ABCA13: variants seen among roughly 807,000 people sequenced by gnomAD.
The protein encoded by ABCA13 is ATP-binding cassette sub-family A member 13.
Under a neutral mutation model 478.7 loss-of-function variants are expected in ABCA13, and 476 were observed. The ratio of observed to expected loss-of-function variants is 0.99; its 90% CI spans 0.92 to 1.07. The LOEUF (loss-of-function observed/expected upper bound fraction) is 1.07, where lower values mean the gene tolerates loss of function less well. Among genes scored for constraint, ABCA13 ranks in the 50% least tolerant of loss-of-function variants. ABCA13 has a pLI of 0.00. For missense variants in ABCA13, 6,060 were observed against 5,910.6 expected (o/e 1.03, Z -0.83); for synonymous variants, 2,252 against 2,158.9 (o/e 1.04, Z -1.20).
At chr7:48,467,612 T>C (rs1421291774) in intron 44 of ABCA13, among the ~76,000 whole-genome samples, 3 of 152,100 alleles carry the variant, frequency 2.0e-5, no homozygotes, top group African/African-American at 7.2e-5. Flanking sequence ...GCTCAATTGT[T>C]ATATATTGAA....
chr7:48,403,614 C>A, intron 38 of ABCA13, 69 bp from the exon 39 acceptor site: 2 of 1,471,780 alleles, frequency 1.4e-6, no homozygotes, highest in Non-Finnish European at 9.3e-7. Context: ...GTCATTATTT[C>A]TGGAGTGAAA....
chr7:48,567,441 A>T (rs999971879), intron 55 of ABCA13, among the ~76,000 whole-genome samples: 4 of 151,982 alleles, frequency 2.6e-5, no homozygotes, highest in African/African-American at 9.7e-5. Context: ...ATGGCTTTAC[A>T]TTGTTAGGGA....
chr7:48,196,168 G>A (rs36180748), intron 2 of ABCA13, among the ~76,000 whole-genome samples: 9,770 of 152,118 alleles, frequency 0.064, 447 homozygotes, highest in East Asian at 0.16. Context: ...CACTGTGGTA[G>A]TAGCTCAGTC....
chr7:48,373,661 C>T (rs1813005916), intron 33 of ABCA13, among the ~76,000 whole-genome samples: 1 of 152,116 alleles, frequency 6.6e-6, no homozygotes, highest in Non-Finnish European at 1.5e-5. Flanking sequence ...TGGTCCTTCC[C>T]CATATACTCC....
In ABCA13 at chr7:48,230,983, C is replaced by A. The variant is rs529008360; in HGVS notation, c.763+1028C>A. Among the ~76,000 whole-genome samples the A allele has an allele frequency of 3.6e-3, 543 of 152,094 alleles. 2 individuals carry two copies. The highest frequency in any genetic ancestry group is 5.7e-3 in the Non-Finnish European group (385 of 67,998). On this transcript the variant is annotated intron_variant, in intron 7 of 61. Transcript: ENST00000435803. Reference sequence around the variant, plus strand: ...GAATGCATGGACACAGGGAGGGGAACAACATACACCAGGTCCAGTCGTCGG... The same window carrying A: ...GAATGCATGGACACAGGGAGGGGAAAAACATACACCAGGTCCAGTCGTCGG...
chr7:48,326,814 A>G (rs1406769512), intron 27 of ABCA13, among the ~76,000 whole-genome samples: 1 of 152,196 alleles, frequency 6.6e-6, no homozygotes, highest in Non-Finnish European at 1.5e-5. Context: ...GTGGAGTCCC[A>G]GTGACAAGGG....
chr7:48,373,012 T>C (rs1253835259), intron 33 of ABCA13, among the ~76,000 whole-genome samples: 1 of 152,166 alleles, frequency 6.6e-6, no homozygotes, highest in Non-Finnish European at 1.5e-5. Context: ...TTCATTCTTT[T>C]ATGGCAATTG....
rs1795437982 is a variant in ABCA13, at chr7:48,646,429, A to G, written c.*917A>G. The G allele has an allele frequency of 6.6e-6, 1 of 152,220 alleles. No individual in the cohort carries two copies. The highest frequency in any genetic ancestry group is 2.4e-5 in the African/African-American group (1 of 41,458). 9.4% of individuals were successfully genotyped at this position (152,220 alleles called of 1,614,324 possible). On this transcript the variant is annotated 3_prime_UTR_variant, in exon 62 of 62. Coordinates refer to ENST00000435803, the MANE Select transcript of ABCA13 (RefSeq NM_152701.5). ...CAAATTCTGGGGCTTAAACAAGCAC[A>G]TTCCAAGTTAAGAACCAATGACCTA...
Position 48,221,299 on chromosome 7 carries a change from GT to G in ABCA13, c.465del (p.Phe155LeufsTer11). On this transcript the variant is annotated frameshift_variant, in exon 5 of 62. Coordinates refer to ENST00000435803, the MANE Select transcript of ABCA13 (RefSeq NM_152701.5). LOFTEE classifies it high-confidence loss of function. ...ATTATAGATTCTTCTTATGGTTCCA[GT>G]TTTTTTACAGTAAGTATCTTAACAA... is the stretch of plus-strand genomic sequence containing the variant. ...SNTPDSSYGS[S>X]FFTMDLNKTE... is the part of the protein sequence containing the mutation. 8 of 1,162,378 alleles carry G rather than the reference GT, an allele frequency of 6.9e-6. No homozygotes were observed. Among genetic ancestry groups the G allele is most frequent in the South Asian group, 1.4e-5 (1 of 70,806 alleles). The allele number at this position is 1,162,378 out of a possible 1,614,324, so 72.0% of individuals were successfully genotyped here.
At chr7:48,318,260 G>A (rs532195678) in intron 27 of ABCA13, among the ~76,000 whole-genome samples, 1 of 152,230 alleles carries the variant, frequency 6.6e-6, no homozygotes, top group South Asian at 2.1e-4. Flanking sequence ...TTCCCACTTT[G>A]CCACCTACCT....
intron 15 of ABCA13, among the ~76,000 whole-genome samples, chr7:48,253,726 C>T (rs192733996): frequency 3.7e-4 from 56 of 152,322 alleles, no homozygotes; most frequent in African/African-American, 1.3e-3. Flanking sequence ...TCAAGTGATC[C>T]ACCTGCCTCA....
At chr7:48,446,177 C>T (rs905662372) in intron 42 of ABCA13, among the ~76,000 whole-genome samples, 4 of 152,148 alleles carry the variant, frequency 2.6e-5, no homozygotes, top group African/African-American at 9.7e-5. Flanking sequence ...GCCTAACTTT[C>T]ACAAATTTGG....
chr7:48,364,345 T>C (rs922080086), intron 31 of ABCA13, among the ~76,000 whole-genome samples: 1 of 152,220 alleles, frequency 6.6e-6, no homozygotes, highest in Admixed American at 6.5e-5. Context: ...ATTGGATACA[T>C]GTGTACAATG....
intron 15 of ABCA13, among the ~76,000 whole-genome samples, chr7:48,259,868 G>A (rs1034998300): frequency 6.6e-6 from 1 of 151,908 alleles, no homozygotes; most frequent in African/African-American, 2.4e-5. Flanking sequence ...GTGCGTGAAA[G>A]CTCTGTTGTT....
chr7:48,228,791 T>C (rs1290626683), intron 6 of ABCA13, among the ~76,000 whole-genome samples: 3 of 152,246 alleles, frequency 2.0e-5, no homozygotes, highest in Non-Finnish European at 4.4e-5. Flanking sequence ...TTTGAACATA[T>C]TTGAAATGCC....
At chr7:48,319,618 A>G (rs1005571052) in intron 27 of ABCA13, among the ~76,000 whole-genome samples, 1 of 152,084 alleles carries the variant, frequency 6.6e-6, no homozygotes, top group Admixed American at 6.5e-5. Context: ...TGAAGTTGCC[A>G]TTTTTGCAGG....
chr7:48,177,886 C>T (rs1795101154), intron 1 of ABCA13, among the ~76,000 whole-genome samples: 4 of 152,240 alleles, frequency 2.6e-5, no homozygotes, highest in South Asian at 2.1e-4. Context: ...CTTCAGGACT[C>T]GCCTTAGGCT....
intron 3 of ABCA13, among the ~76,000 whole-genome samples, chr7:48,218,820 G>A (rs930184157): frequency 6.6e-6 from 1 of 152,138 alleles, no homozygotes; most frequent in Non-Finnish European, 1.5e-5. Flanking sequence ...TAATATTTGT[G>A]GAAGAGATTT....
chr7:48,454,332 A>T (rs551176110), intron 42 of ABCA13, among the ~76,000 whole-genome samples: 1 of 152,330 alleles, frequency 6.6e-6, no homozygotes, highest in East Asian at 1.9e-4. Context: ...CCTCAACTCC[A>T]GGAGATTTAC....
Sources: allele counts gnomAD v4.1 joint callset (sites outside exome capture counted in the v4.1 genomes callset), GRCh38; gene constraint gnomAD v4.1.1; transcripts MANE v1.5; gene names NCBI Gene and HGNC (gene_info 2026-07-23, HGNC 2026-07-21).